YWHAQ: variants seen among roughly 807,000 people sequenced by gnomAD.
YWHAQ encodes 14-3-3 protein theta.
In YWHAQ, 6 loss-of-function variants were observed where a neutral mutation model predicts 28.3. The observed-to-expected ratio is 0.21, with a 90% confidence interval of 0.12 to 0.42. YWHAQ has a LOEUF of 0.42. YWHAQ is among the 10% of genes least tolerant of loss of function. The pLI is 1.00. For missense variants in YWHAQ, 201 were observed against 305.6 expected (o/e 0.66, Z 2.55); for synonymous variants, 143 against 119.1 (o/e 1.20, Z -1.31).
chr2:9,630,081 T>C lies in YWHAQ; in HGVS notation c.294+78A>G. On this transcript the variant is annotated intron_variant, in intron 2 of 5. Transcript: ENST00000238081. The surrounding 1 kb of genome is among the most constrained non-coding windows in gnomAD (Gnocchi z 5.6). Reference sequence around the variant, plus strand: ...CAGTCCGGCAAGCCCCGGCTCACGTTTGTTTCCGTGCCCGCGAAACTCTCA... The same window carrying C: ...CAGTCCGGCAAGCCCCGGCTCACGTCTGTTTCCGTGCCCGCGAAACTCTCA... 3 of 1,544,782 alleles carry C rather than the reference T, an allele frequency of 1.9e-6. No individual in the cohort carries two copies. The highest frequency in any genetic ancestry group is 2.4e-4 in the Middle Eastern group (1 of 4,146).
intron 2 of YWHAQ, among the ~76,000 whole-genome samples, chr2:9,602,002 C>T (rs1666703376): frequency 6.6e-6 from 1 of 152,116 alleles, no homozygotes; most frequent in Admixed American, 6.6e-5. Context: ...TGAACAGATA[C>T]TAATTCAGAC....
At chr2:9,601,242 ACC>A (rs1666686063) in intron 2 of YWHAQ, among the ~76,000 whole-genome samples, 1 of 152,190 alleles carries the variant, frequency 6.6e-6, no homozygotes, top group Non-Finnish European at 1.5e-5. Context: ...TGGGTGGATC[ACC>A]TGAAGTCAAG....
At chr2:9,628,177 T>C (rs374346043) in intron 2 of YWHAQ, among the ~76,000 whole-genome samples, 1 of 152,212 alleles carries the variant, frequency 6.6e-6, no homozygotes, top group African/African-American at 2.4e-5. Context: ...TTTTTATAGG[T>C]TGGCCACCAA....
At chr2:9,586,741 G>T (rs1193423165) in intron 5 of YWHAQ, among the ~76,000 whole-genome samples, 1 of 152,062 alleles carries the variant, frequency 6.6e-6, no homozygotes, top group Non-Finnish European at 1.5e-5. Flanking sequence ...CAAACTAGGG[G>T]GCTGGGAGGA....
At chr2:9,621,051 TC>T (rs1373588359) in intron 2 of YWHAQ, among the ~76,000 whole-genome samples, 1 of 152,200 alleles carries the variant, frequency 6.6e-6, no homozygotes, top group East Asian at 1.9e-4. Context: ...TTGCTTTTTT[TC>T]CACTGTCATT....
chr2:9,598,137 C>G (rs1192612515), intron 2 of YWHAQ, among the ~76,000 whole-genome samples: 7 of 151,974 alleles, frequency 4.6e-5, no homozygotes. Context: ...CAGCCAGAAG[C>G]AAACCTTATA....
intron 2 of YWHAQ, among the ~76,000 whole-genome samples, chr2:9,624,490 T>G (rs1573007114): frequency 6.6e-6 from 1 of 152,040 alleles, no homozygotes. Flanking sequence ...TATGGACTAA[T>G]CCAAGGCATC....
chr2:9,613,090 G>A (rs1219071930), intron 2 of YWHAQ, among the ~76,000 whole-genome samples: 2 of 152,102 alleles, frequency 1.3e-5, no homozygotes, highest in South Asian at 2.1e-4. Flanking sequence ...TATTTTACTC[G>A]TCTAGCACCC....
chr2:9,610,482 C>T (rs527292025), intron 2 of YWHAQ, among the ~76,000 whole-genome samples: 4 of 152,280 alleles, frequency 2.6e-5, no homozygotes, highest in African/African-American at 9.6e-5. Flanking sequence ...CATATATTAA[C>T]ATCTGGATGG....
At chr2:9,627,642 T>C (rs1524667) in intron 2 of YWHAQ, among the ~76,000 whole-genome samples, 67,689 of 151,916 alleles carry the variant, frequency 0.45, 18,632 homozygotes, top group African/African-American at 0.78. Flanking sequence ...CCAGCCTGGG[T>C]GTAACAAGAT....
chr2:9,590,319 ATAAG>A lies in YWHAQ; in HGVS notation c.418+1069_418+1072del, dbSNP rs547868284. On this transcript the variant is annotated intron_variant, in intron 3 of 5. Transcript: ENST00000238081. Reference sequence around the variant, plus strand: ...ACAGAAATTACACATCAGTAACAGAATAAGTAAGTTTAGTATATAGATTTTGTTA... The same window carrying A: ...ACAGAAATTACACATCAGTAACAGAATAAGTTTAGTATATAGATTTTGTTA... Among the ~76,000 whole-genome samples the A allele has an allele frequency of 5.9e-5, 9 of 152,350 alleles. No individual in the cohort carries two copies. In the East Asian group the frequency reaches 1.3e-3, roughly 23 times the overall value.
intron 5 of YWHAQ, 65 bp downstream of exon 5, chr2:9,587,349 C>T (rs1436727944): frequency 1.4e-6 from 2 of 1,457,262 alleles, no homozygotes; most frequent in Admixed American, 2.0e-5. Context: ...ACACGAAGTC[C>T]AAAATAAAAT....
Position 9,604,650 on chromosome 2 carries a change from C to A in YWHAQ, c.295-13135G>T, listed in dbSNP as rs528056589. The stretch of plus-strand genomic sequence containing the variant: ...AACACAGTATTAAGGAGACGCAAAA[C>A]CTGCATGTAAGGAGGGCCGGCTTTT... On this transcript the variant is annotated intron_variant, in intron 2 of 5. Coordinates refer to ENST00000238081, the MANE Select transcript of YWHAQ (RefSeq NM_006826.4). Among the ~76,000 whole-genome samples the A allele has an allele frequency of 9.7e-4, 147 of 152,256 alleles. 4 individuals are homozygous for A. Among genetic ancestry groups the A allele is most frequent in the Admixed American group, 9.6e-3 (146 of 15,282 alleles).
At chr2:9,614,284 T>C (rs571387471) in intron 2 of YWHAQ, among the ~76,000 whole-genome samples, 1 of 152,302 alleles carries the variant, frequency 6.6e-6, no homozygotes, top group African/African-American at 2.4e-5. Flanking sequence ...TTTAACAACA[T>C]TTCCAGGACA....
chr2:9,593,447 G>C (rs934497220), intron 2 of YWHAQ, among the ~76,000 whole-genome samples: 3 of 151,972 alleles, frequency 2.0e-5, no homozygotes, highest in Non-Finnish European at 4.4e-5. Context: ...GACCTCAAGT[G>C]ATCTGCCCAC....
rs770978736 is a variant in YWHAQ at position 9,630,136 on chromosome 2, T to C, written c.294+23A>G. 23 of 1,599,744 alleles carry C rather than the reference T, an allele frequency of 1.4e-5. 2 individuals carry two copies. Among genetic ancestry groups the C allele is most frequent in the Middle Eastern group, 3.8e-4 (2 of 5,328 alleles). ...AAAGCATCTCACAAAAGGCCTCCCC[T>C]GCTCCCCGCGCCGAGGACTCACCAG... On this transcript the variant is annotated intron_variant, in intron 2 of 5. Transcript: ENST00000238081. The surrounding 1 kb of genome is among the most constrained non-coding windows in gnomAD (Gnocchi z 5.6).
intron 2 of YWHAQ, among the ~76,000 whole-genome samples, chr2:9,620,902 ACAG>A (rs1667129185): frequency 6.6e-6 from 1 of 152,216 alleles, no homozygotes. Flanking sequence ...TTCTCGTAGA[ACAG>A]CAGTTCTACT....
rs755703871 is a variant in YWHAQ at position 9,588,240 on chromosome 2, C to A, written c.507G>T (p.Gly169=). 1.2e-6 allele frequency: 2 copies of A among 1,607,580 alleles called. No individual in the cohort carries two copies. The highest frequency in any genetic ancestry group is 3.4e-5 in the Admixed American group (2 of 58,022). The part of the protein sequence containing the change: ...EMQPTHPIRL[G]LALNFSVFYY... ...AAAATACAGAAAAGTTAAGAGCAAG[C>A]CCCAGGCGGATTGGGTGTGTGGGTT... The change falls in exon 4 of 6, where the codon GGG becomes GGT. Residue 169 remains glycine, a synonymous_variant. Transcript: ENST00000238081.
At chr2:9,588,072 C>A in intron 4 of YWHAQ, 93 bp downstream of exon 4, 3 of 1,394,068 alleles carry the variant, frequency 2.2e-6, no homozygotes, top group Non-Finnish European at 2.9e-6. Flanking sequence ...AGAAATCATC[C>A]CTGGGTATCC....
Sources: allele counts gnomAD v4.1 joint callset (sites outside exome capture counted in the v4.1 genomes callset), GRCh38; gene constraint gnomAD v4.1.1; non-coding constraint Gnocchi (gnomAD v3.1); transcripts MANE v1.5; gene names NCBI Gene and HGNC (gene_info 2026-07-23, HGNC 2026-07-21).